ADGRB1: variants seen among roughly 807,000 people sequenced by gnomAD.
The protein encoded by ADGRB1 is brain-specific angiogenesis inhibitor 1.
Under a neutral mutation model 175.7 loss-of-function variants are expected in ADGRB1, and 36 were observed. That is an observed-to-expected ratio of 0.20 (90% CI 0.16 to 0.27). ADGRB1 has a LOEUF of 0.27. Ranked by LOEUF, ADGRB1 falls within the 10% of genes least tolerant of loss-of-function variation. ADGRB1 has a pLI of 1.00. For missense variants in ADGRB1, 1,731 were observed against 2,255.3 expected (o/e 0.77, Z 4.71); for synonymous variants, 1,054 against 979.4 (o/e 1.08, Z -1.42).
At chr8:142,528,534 T>C (rs981223578) in intron 24 of ADGRB1, among the ~76,000 whole-genome samples, 2 of 152,102 alleles carry the variant, frequency 1.3e-5, no homozygotes, top group African/African-American at 4.8e-5. Flanking sequence ...GCCTTTTAAT[T>C]TCACTTGCAG....
At chr8:142,539,089 C>T (rs1358796610) in intron 26 of ADGRB1, among the ~76,000 whole-genome samples, 3 of 152,186 alleles carry the variant, frequency 2.0e-5, no homozygotes, top group Non-Finnish European at 4.4e-5. Flanking sequence ...CACCTGAATC[C>T]ACACGCAAAC....
chr8:142,520,405 GTAATGGTGATAGTGGTAATGATTGTATGA>G (rs1310229559), intron 19 of ADGRB1, among the ~76,000 whole-genome samples: 1 of 17,474 alleles, frequency 5.7e-5, no homozygotes. Context: ...TGTGATGTTG[GTAATGGTGATAGTGGTAATGATTGTATGA>G]TGATGGTGGT....
At position 142,464,076 on chromosome 8, in the gene ADGRB1, C is replaced by G. The variant is rs1840108393; in HGVS notation, c.-123C>G. 1.9e-6 allele frequency: 1 copy of G among 536,926 alleles called. No individual in the cohort carries two copies. The highest frequency in any genetic ancestry group is 2.5e-6 in the Non-Finnish European group (1 of 392,440). 33.3% of individuals were successfully genotyped at this position (536,926 alleles called of 1,614,324 possible). On this transcript the variant is annotated 5_prime_UTR_variant, in exon 2 of 31. Coordinates refer to ENST00000517894, the MANE Select transcript of ADGRB1 (RefSeq NM_001702.3). ...TGAAGCGGGGCCCTCTCCCATCCCA[C>G]CCTTGCCCCGCCTCCCTGCCCCCAC...
At chr8:142,519,661 T>C (rs1563734713) in intron 19 of ADGRB1, among the ~76,000 whole-genome samples, 1 of 150,524 alleles carries the variant, frequency 6.6e-6, no homozygotes, top group Non-Finnish European at 1.5e-5. Flanking sequence ...ATGGTGATGA[T>C]GATGGTAGTG....
At chr8:142,450,519 GC>G (rs145092751) in intron 1 of ADGRB1, among the ~76,000 whole-genome samples, 2,847 of 152,254 alleles carry the variant, frequency 0.019, 89 homozygotes, top group African/African-American at 0.065. Flanking sequence ...GTCTAAGGGA[GC>G]CCCCCATGGC....
chr8:142,471,510 G>C (rs767985266), intron 2 of ADGRB1, among the ~76,000 whole-genome samples: 1 of 152,246 alleles, frequency 6.6e-6, no homozygotes, highest in Non-Finnish European at 1.5e-5. Flanking sequence ...AGGAGCACCT[G>C]CCTGATCAAG....
At chr8:142,488,149 T>G (rs1204398706) in intron 13 of ADGRB1, among the ~76,000 whole-genome samples, 1 of 152,198 alleles carries the variant, frequency 6.6e-6, no homozygotes, top group African/African-American at 2.4e-5. Flanking sequence ...AGCCTCTGCC[T>G]GGTGCTCCTT....
At chr8:142,460,966 C>T (rs1162578429) in intron 1 of ADGRB1, among the ~76,000 whole-genome samples, 1 of 152,222 alleles carries the variant, frequency 6.6e-6, no homozygotes, top group Non-Finnish European at 1.5e-5. Flanking sequence ...CCACCTCTTG[C>T]CTACAGGGTG....
intron 2 of ADGRB1, among the ~76,000 whole-genome samples, chr8:142,469,670 T>C (rs75473502): frequency 6.4e-4 from 97 of 151,462 alleles, no homozygotes; most frequent in African/African-American, 2.3e-3. Flanking sequence ...TGCGTGTGTG[T>C]GCACGTGAAT....
rs892637430 is a variant in ADGRB1, at chr8:142,475,622, C to A, written c.933C>A (p.Arg311=). The A allele has an allele frequency of 8.1e-7, 1 of 1,230,450 alleles. No individual in the cohort carries two copies. Among genetic ancestry groups the A allele is most frequent in the Non-Finnish European group, 1.0e-6 (1 of 987,004 alleles). The allele number at this position is 1,230,450 out of a possible 1,614,324, so 76.2% of individuals were successfully genotyped here. The part of the protein sequence containing the change: ...GVLEEGRQCN[R]EACGPAGRTS... ...TGGAGGAGGGTCGCCAGTGCAACCG[C>A]GAGGCCTGCGGCCGTGAGTGCGGGC... The change falls in exon 3 of 31, where the codon CGC becomes CGA. Residue 311 remains arginine, a synonymous_variant. Transcript: ENST00000517894.
Position 142,544,526 on chromosome 8 carries a change from C to T in ADGRB1, c.*109C>T, listed in dbSNP as rs1210650882. On this transcript the variant is annotated 3_prime_UTR_variant, in exon 31 of 31. Coordinates refer to ENST00000517894, the MANE Select transcript of ADGRB1 (RefSeq NM_001702.3). ...TCGCGGGCAGCGGGCCAGGCCCGCACCCCGGCCTCAGGGCGCTCAGACGGC... is the reference window on the plus strand; with the variant it reads ...TCGCGGGCAGCGGGCCAGGCCCGCATCCCGGCCTCAGGGCGCTCAGACGGC... 1.6e-5 allele frequency: 20 copies of T among 1,277,758 alleles called. No individual in the cohort carries two copies. Among genetic ancestry groups the T allele is most frequent in the Middle Eastern group, 2.8e-4 (1 of 3,578 alleles). The allele number at this position is 1,277,758 out of a possible 1,614,324, so 79.2% of individuals were successfully genotyped here.
At chr8:142,529,757 C>T (rs1041170236) in intron 24 of ADGRB1, among the ~76,000 whole-genome samples, 5 of 149,696 alleles carry the variant, frequency 3.3e-5, no homozygotes, top group Admixed American at 6.6e-5. Context: ...TGTGAGTGTG[C>T]ATCTATGTGT....
At chr8:142,496,131 G>C (rs565102880) in intron 17 of ADGRB1, among the ~76,000 whole-genome samples, 1 of 150,358 alleles carries the variant, frequency 6.7e-6, no homozygotes, top group Non-Finnish European at 1.5e-5. Context: ...ATGGGTGGAC[G>C]GGTGAATAGG....
chr8:142,543,828 A>G lies in ADGRB1; in HGVS notation c.4557+120A>G. 1.9e-6 allele frequency: 2 copies of G among 1,029,566 alleles called. No individual in the cohort carries two copies. Among genetic ancestry groups the G allele is most frequent in the East Asian group, 2.6e-5 (1 of 38,222 alleles). The allele number at this position is 1,029,566 out of a possible 1,614,324, so 63.8% of individuals were successfully genotyped here. ...CATCCATCCATCCATTCGTTCATTC[A>G]TTCATTCATTCGCCCATCCCTGAGG... is the stretch of plus-strand genomic sequence containing the variant. On this transcript the variant is annotated intron_variant, in intron 30 of 30. Coordinates refer to ENST00000517894, the MANE Select transcript of ADGRB1 (RefSeq NM_001702.3). This position sits in a 1 kb window ranked among gnomAD's most constrained non-coding sequence, Gnocchi z 4.4.
intron 11 of ADGRB1, among the ~76,000 whole-genome samples, 161 bp downstream of exon 11, chr8:142,481,872 A>C (rs1563697837): frequency 6.6e-6 from 1 of 152,222 alleles, no homozygotes; most frequent in African/African-American, 2.4e-5. Context: ...TCTTGGTCAC[A>C]CATTGAGCCC....
At chr8:142,500,330 G>A (rs112384465) in intron 17 of ADGRB1, among the ~76,000 whole-genome samples, 1 of 10,822 alleles carries the variant, frequency 9.2e-5, no homozygotes, top group African/African-American at 8.0e-4. Context: ...CTCCTCCCCC[G>A]CCCCCCGCGC....
At chr8:142,478,038 G>A in intron 6 of ADGRB1, 149 bp from the exon 7 acceptor site, 3 of 1,034,762 alleles carry the variant, frequency 2.9e-6, no homozygotes, top group Non-Finnish European at 1.4e-6. Context: ...GTCACAGGCT[G>A]GCCGTGGGTG....
rs1056457322 is a variant in ADGRB1, at chr8:142,511,417, G to A, written c.2817+344G>A. On this transcript the variant is annotated intron_variant, in intron 18 of 30. Coordinates refer to ENST00000517894, the MANE Select transcript of ADGRB1 (RefSeq NM_001702.3). This position sits in a 1 kb window ranked among gnomAD's most constrained non-coding sequence, Gnocchi z 4.5. ...AGGCTGGGTCCTGAGCCGGGGGCTG[G>A]GAGGCGTCGCCTGTGGAGGGGCTAC... Among the ~76,000 whole-genome samples, 1 of 152,150 alleles carries A rather than the reference G, an allele frequency of 6.6e-6. No individual in the cohort carries two copies. The highest frequency in any genetic ancestry group is 1.9e-4 in the East Asian group (1 of 5,160).
chr8:142,453,967 G>A (rs1217210099), intron 1 of ADGRB1, among the ~76,000 whole-genome samples: 6 of 152,224 alleles, frequency 3.9e-5, no homozygotes, highest in Non-Finnish European at 7.4e-5. Flanking sequence ...GAGCTGGAGA[G>A]GAAGGTGGGA....
Sources: allele counts gnomAD v4.1 joint callset (sites outside exome capture counted in the v4.1 genomes callset), GRCh38; gene constraint gnomAD v4.1.1; non-coding constraint Gnocchi (gnomAD v3.1); transcripts MANE v1.5; gene names NCBI Gene and HGNC (gene_info 2026-07-23, HGNC 2026-07-21).